EPB41L4A: variants seen among roughly 807,000 people sequenced by gnomAD.
EPB41L4A encodes erythrocyte membrane protein band 4.1 like 4A.
Under a neutral mutation model 108.6 loss-of-function variants are expected in EPB41L4A, and 100 were observed. The observed-to-expected ratio is 0.92, with a 90% confidence interval of 0.78 to 1.09. The LOEUF (loss-of-function observed/expected upper bound fraction) is 1.09, where lower values mean the gene tolerates loss of function less well. Among genes scored for constraint, EPB41L4A ranks in the 50% least tolerant of loss-of-function variants. The pLI, the probability that EPB41L4A is intolerant of heterozygous loss-of-function variation, is 0.00. For missense variants in EPB41L4A, 1,030 were observed against 842.7 expected (o/e 1.22, Z -2.75); for synonymous variants, 319 against 289.0 (o/e 1.10, Z -1.05).
intron 12 of EPB41L4A, among the ~76,000 whole-genome samples, chr5:112,227,471 G>A (rs1388543950): frequency 2.0e-5 from 3 of 152,152 alleles, no homozygotes; most frequent in African/African-American, 7.2e-5. Flanking sequence ...GCCCATTTCA[G>A]ACACATCCCC....
downstream of EPB41L4A, chr5:112,162,178 T>C (rs1580342986): frequency 2.0e-5 from 3 of 152,402 alleles, 1 homozygote; most frequent in South Asian, 6.2e-4. Flanking sequence ...TTTTGAAAAT[T>C]TGATCTTCAC....
chr5:112,218,716 G>A (rs950538104), intron 12 of EPB41L4A, among the ~76,000 whole-genome samples: 9 of 152,252 alleles, frequency 5.9e-5, no homozygotes, highest in Non-Finnish European at 7.4e-5. Context: ...TTTTTAAAAT[G>A]CTTATTTAGC....
At chr5:112,231,817 G>A (rs67724997) in intron 12 of EPB41L4A, among the ~76,000 whole-genome samples, 2,225 of 54,456 alleles carry the variant, frequency 0.041, 47 homozygotes, top group African/African-American at 0.071. Flanking sequence ...AAAAAAAAAA[G>A]GATCCACCTG....
chr5:112,234,184 TTAAAATAAAA>T (rs60528061), intron 12 of EPB41L4A, among the ~76,000 whole-genome samples: 1,977 of 145,494 alleles, frequency 0.014, 37 homozygotes, highest in Non-Finnish European at 0.016. Context: ...ATAAATAAAA[TTAAAATAAAA>T]TAAAATAAAA....
chr5:112,234,532 T>C (rs1451850491), intron 12 of EPB41L4A, 102 bp downstream of exon 12: 3 of 1,074,644 alleles, frequency 2.8e-6, no homozygotes, highest in South Asian at 3.1e-5. Flanking sequence ...GAAATTTCAA[T>C]AGAAAGACTG....
intron 2 of EPB41L4A, among the ~76,000 whole-genome samples, chr5:112,289,247 G>T (rs1753492063): frequency 6.6e-6 from 1 of 152,090 alleles, no homozygotes. Flanking sequence ...AATTTAAGCA[G>T]AATACTATGG....
chr5:112,374,747 T>C (rs981238182), intron 1 of EPB41L4A, among the ~76,000 whole-genome samples: 2 of 152,194 alleles, frequency 1.3e-5, no homozygotes, highest in African/African-American at 4.8e-5. Context: ...AAAGATCGGT[T>C]TTGATTTTTG....
At chr5:112,312,651 C>A (rs1755124421) in intron 1 of EPB41L4A, among the ~76,000 whole-genome samples, 1 of 152,160 alleles carries the variant, frequency 6.6e-6, no homozygotes, top group South Asian at 2.1e-4. Context: ...GCATGGATGC[C>A]AGAGGTAAAT....
chr5:112,189,179 G>C (rs1462903914), intron 17 of EPB41L4A, among the ~76,000 whole-genome samples: 2 of 152,202 alleles, frequency 1.3e-5, no homozygotes, highest in African/African-American at 4.8e-5. Context: ...CTTATTTCTT[G>C]TTCAAGGGAG....
rs573376851 is a variant in EPB41L4A, at chr5:112,314,105, G to A, written c.100-6615C>T. 9.2e-5 allele frequency among the ~76,000 whole-genome samples: 14 copies of A among 151,822 alleles called. No individual in the cohort carries two copies. The East Asian group carries it at 9.8e-4, about 11-fold the overall frequency. The stretch of plus-strand genomic sequence containing the variant: ...AATCTCCTGACCTTGTGATCTGCCC[G>A]TCTCAGCCTCCCAAAGTGCTGGGAT... On this transcript the variant is annotated intron_variant, in intron 1 of 22. Transcript: ENST00000261486.
chr5:112,161,484 C>T (rs1291255487), downstream of EPB41L4A: 1 of 518,786 alleles, frequency 1.9e-6, no homozygotes, highest in Non-Finnish European at 3.8e-6. Flanking sequence ...CACGCAGTGT[C>T]AGCCTTTGTG....
intron 1 of EPB41L4A, among the ~76,000 whole-genome samples, chr5:112,416,310 T>G (rs1762717480): frequency 6.6e-6 from 1 of 152,192 alleles, no homozygotes; most frequent in African/African-American, 2.4e-5. Context: ...ATTAATCTTT[T>G]CTAATTCACA....
At chr5:112,194,289 C>T (rs1009767426) in intron 17 of EPB41L4A, among the ~76,000 whole-genome samples, 1 of 152,064 alleles carries the variant, frequency 6.6e-6, no homozygotes, top group Non-Finnish European at 1.5e-5. Flanking sequence ...TAGAGAAATT[C>T]ACTACACATT....
At chr5:112,250,950 C>T (rs114796365) in intron 9 of EPB41L4A, among the ~76,000 whole-genome samples, 3 of 152,240 alleles carry the variant, frequency 2.0e-5, no homozygotes, top group South Asian at 4.1e-4. Context: ...TTACAGATTA[C>T]GAAATGTAGG....
At chr5:112,393,506 C>T (rs1211440768) in intron 1 of EPB41L4A, among the ~76,000 whole-genome samples, 4 of 152,110 alleles carry the variant, frequency 2.6e-5, no homozygotes, top group African/African-American at 7.2e-5. Context: ...ATGAATAAAT[C>T]CCTGGACACA....
chr5:112,211,151 G>A (rs559336865), intron 12 of EPB41L4A, among the ~76,000 whole-genome samples: 41 of 152,306 alleles, frequency 2.7e-4, no homozygotes, highest in Admixed American at 8.5e-4. Flanking sequence ...CAGCTCCTGA[G>A]TGGTGGGGCA....
At chr5:112,216,104 A>G (rs1009473890) in intron 12 of EPB41L4A, among the ~76,000 whole-genome samples, 1 of 152,122 alleles carries the variant, frequency 6.6e-6, no homozygotes, top group Non-Finnish European at 1.5e-5. Flanking sequence ...ACATTTGAGT[A>G]CCTCCATCTT....
chr5:112,237,165 ATGT>A (rs1749401453), intron 11 of EPB41L4A, among the ~76,000 whole-genome samples: 1 of 152,230 alleles, frequency 6.6e-6, no homozygotes, highest in Non-Finnish European at 1.5e-5. Flanking sequence ...GAAGATAGCA[ATGT>A]ATAACAAAAT....
chr5:112,240,882 C>G, intron 9 of EPB41L4A, 72 bp from the exon 10 acceptor site: 1 of 848,186 alleles, frequency 1.2e-6, no homozygotes, highest in Non-Finnish European at 1.9e-6. Flanking sequence ...AATAACAGCC[C>G]CCTTTAAGTA....
Sources: allele counts gnomAD v4.1 joint callset (sites outside exome capture counted in the v4.1 genomes callset), GRCh38; gene constraint gnomAD v4.1.1; transcripts MANE v1.5; gene names NCBI Gene and HGNC (gene_info 2026-07-23, HGNC 2026-07-21).